CYLC1: variants seen among roughly 807,000 people sequenced by gnomAD.
The protein encoded by CYLC1 is cylicin-1.
In CYLC1, 2 loss-of-function variants were observed where a neutral mutation model predicts 31.6. That is an observed-to-expected ratio of 0.06 (90% CI 0.03 to 0.20). The LOEUF (loss-of-function observed/expected upper bound fraction) is 0.20. CYLC1 is among the 10% of genes least tolerant of loss of function. The probability of loss-of-function intolerance (pLI) is 1.00; values close to 1 mark genes in which losing one functional copy is unlikely to be tolerated. For missense variants in CYLC1, 595 were observed against 424.1 expected (o/e 1.40, Z -3.54); for synonymous variants, 185 against 153.0 (o/e 1.21, Z -1.54).
chrX:83,873,294 T>A lies in CYLC1; in HGVS notation c.586T>A (p.Ser196Thr), dbSNP rs183600242. 34 of 1,200,322 alleles carry A rather than the reference T, an allele frequency of 2.8e-5. No homozygotes were observed. The East Asian group carries it at 8.6e-4, about 30-fold the overall frequency. Reference sequence around the variant, plus strand: ...TTCTAAGACAGTCTCAAAAAATTGTTCACAAAAAGATAAGAAAGATTCAAA... The same window carrying A: ...TTCTAAGACAGTCTCAAAAAATTGTACACAAAAAGATAAGAAAGATTCAAA... ...QNSKTVSKNC[S>T]QKDKKDSKNS... is the part of the protein sequence containing the mutation. Residue 196 changes from serine to threonine, a missense_variant, in exon 4 of 5, where the codon TCA becomes ACA. Transcript: ENST00000329312.
At position 83,874,071 on chromosome X, in the gene CYLC1, A is replaced by G. The variant is rs1163049583; in HGVS notation, c.1363A>G (p.Lys455Glu). Residue 455 changes from lysine to glutamate, a missense_variant, in exon 4 of 5, where the codon AAA (lysine) becomes GAA (glutamate). By Grantham distance (56) the Lys-to-Glu change is moderately conservative (BLOSUM62 1). Coordinates refer to ENST00000329312, the MANE Select transcript of CYLC1 (RefSeq NM_021118.3). ...TGACTCTGAACCGAAGGGAGATTCA[A>G]AAAAGGGTAAAAAGGATGAAAAGAA... The part of the protein sequence containing the change: ...DADSEPKGDS[K>E]KGKKDEKKGK... 1 of 1,202,975 alleles carries G rather than the reference A, an allele frequency of 8.3e-7. No individual in the cohort carries two copies. The highest frequency in any genetic ancestry group is 2.2e-5 in the Admixed American group (1 of 45,255).
chrX:83,877,877 C>CAT (rs763314367), intron 4 of CYLC1, among the ~76,000 whole-genome samples: 12,186 of 57,263 alleles, frequency 0.21, 1,666 homozygotes, highest in East Asian at 0.39. Context: ...CCTGTTTTTT[C>CAT]ATATATATAT....
chrX:83,883,619 T>C (rs1235286600), intron 4 of CYLC1, among the ~76,000 whole-genome samples: 2 of 111,943 alleles, frequency 1.8e-5, no homozygotes, highest in African/African-American at 6.5e-5. Context: ...AGCTTTACAT[T>C]CTTTTCTCAT....
At chrX:83,864,414 CT>C (rs1569331886) in intron 1 of CYLC1, among the ~76,000 whole-genome samples, 1 of 110,838 alleles carries the variant, frequency 9.0e-6, no homozygotes, top group African/African-American at 3.3e-5. Flanking sequence ...TTAAAAATCC[CT>C]TTTCCACTTA....
intron 1 of CYLC1, among the ~76,000 whole-genome samples, chrX:83,862,471 G>A (rs1243530970): frequency 2.7e-5 from 3 of 111,025 alleles, no homozygotes; most frequent in Non-Finnish European, 5.7e-5. Flanking sequence ...TGAACCTGGG[G>A]GGCGGAGCTT....
rs1316784241 is a variant in CYLC1, at chrX:83,871,529, A to C, written c.136A>C (p.Asn46His). Residue 46 changes from asparagine to histidine, a missense_variant, in exon 3 of 5, where the codon AAT (asparagine) becomes CAT (histidine). Transcript: ENST00000329312. ...TFPKPLQRGT[N>H]DKSRPLKSQI... Reference sequence around the variant, plus strand: ...TCCCAAACCACTCCAGAGAGGTACAAATGATAAATCAAGACCTTTGAAATC... The same window carrying C: ...TCCCAAACCACTCCAGAGAGGTACACATGATAAATCAAGACCTTTGAAATC... 1 of 1,200,699 alleles carries C rather than the reference A, an allele frequency of 8.3e-7. No homozygotes were observed. Among genetic ancestry groups the C allele is most frequent in the East Asian group, 3.0e-5 (1 of 33,376 alleles).
At chrX:83,871,412 G>C in intron 2 of CYLC1, 40 bp from the exon 3 acceptor site, 7 of 1,031,168 alleles carry the variant, frequency 6.8e-6, no homozygotes, top group Non-Finnish European at 9.5e-6. Context: ...TGGAAAATCT[G>C]ACATTAACTC....
chrX:83,878,027 T>C (rs2031810698), intron 4 of CYLC1, among the ~76,000 whole-genome samples: 1 of 68,435 alleles, frequency 1.5e-5, no homozygotes, highest in Non-Finnish European at 2.5e-5. Context: ...AAAATATATA[T>C]ATTTGTATAT....
At chrX:83,872,313 A>G (rs1319492921) in intron 3 of CYLC1, among the ~76,000 whole-genome samples, 3 of 109,623 alleles carry the variant, frequency 2.7e-5, no homozygotes, top group Non-Finnish European at 5.8e-5. Flanking sequence ...GTTAATGTGA[A>G]TCAAGCATCT....
chrX:83,881,745 G>A (rs7878887), intron 4 of CYLC1, among the ~76,000 whole-genome samples: 1,024 of 91,813 alleles, frequency 0.011, 18 homozygotes, highest in African/African-American at 0.039. Flanking sequence ...TTTTTTTTGA[G>A]ACAGAGTCTC....
At chrX:83,878,114 AT>A (rs1164807980) in intron 4 of CYLC1, among the ~76,000 whole-genome samples, 2 of 54,042 alleles carry the variant, frequency 3.7e-5, no homozygotes, top group South Asian at 1.2e-3. Flanking sequence ...AAATATATAT[AT>A]TTGTATATAA....
In CYLC1 at chrX:83,883,735, T is replaced by C. The variant is rs149430727; in HGVS notation, c.1924-2817T>C. Among the ~76,000 whole-genome samples the C allele has an allele frequency of 8.9e-3, 993 of 111,948 alleles. 16 individuals carry two copies. The highest frequency in any genetic ancestry group is 0.031 in the African/African-American group (962 of 30,901). On this transcript the variant is annotated intron_variant, in intron 4 of 4. Coordinates refer to ENST00000329312, the MANE Select transcript of CYLC1 (RefSeq NM_021118.3). ...CTCTTTAATTTGTTTACTAATGTAT[T>C]TGAAATTCCCAAGAAAGTGGGCACT...
chrX:83,873,977 A>C lies in CYLC1; in HGVS notation c.1269A>C (p.Lys423Asn), dbSNP rs778841237. ...CAAAGGAGAGTCAGAAAGATGAAAA[A>C]AAGGATAAAAAAGATTCAAAGACAG... ...LESKESQKDE[K>N]KDKKDSKTDN... Residue 423 changes from lysine (K) to asparagine (N), a missense_variant, in exon 4 of 5, where the codon AAA (lysine) becomes AAC (asparagine). Physicochemically the swap from Lys to Asn is moderately conservative, Grantham distance 94 (BLOSUM62 0). Transcript: ENST00000329312. 1.7e-6 allele frequency: 2 copies of C among 1,177,670 alleles called. No homozygotes were observed. Among genetic ancestry groups the C allele is most frequent in the South Asian group, 3.9e-5 (2 of 51,947 alleles).
intron 4 of CYLC1, among the ~76,000 whole-genome samples, chrX:83,881,258 G>C (rs961313280): frequency 1.8e-5 from 2 of 110,617 alleles, no homozygotes; most frequent in Non-Finnish European, 3.8e-5. Flanking sequence ...CGTCGAACTT[G>C]GTTCACTTTA....
At position 83,869,997 on chromosome X, in the gene CYLC1, G is replaced by A. The variant is rs41309518; in HGVS notation, c.58+92G>A. 2.5e-3 allele frequency: 1,157 copies of A among 458,635 alleles called. 5 individuals carry two copies. The highest frequency in any genetic ancestry group is 3.2e-3 in the Non-Finnish European group (1,056 of 327,313). 37.8% of individuals were successfully genotyped at this position (458,635 alleles called of 1,213,427 possible). On this transcript the variant is annotated intron_variant, in intron 2 of 4. Transcript: ENST00000329312. Reference sequence around the variant, plus strand: ...AGTATATTCCATTAAATGTGATAAAGCAGAAACTGCTATGAATTTTTATAA... The same window carrying A: ...AGTATATTCCATTAAATGTGATAAAACAGAAACTGCTATGAATTTTTATAA...
chrX:83,885,067 A>G (rs986411916), intron 4 of CYLC1, among the ~76,000 whole-genome samples: 11 of 111,162 alleles, frequency 9.9e-5, no homozygotes, highest in African/African-American at 3.3e-4. Context: ...GCCTCTAAAG[A>G]TCTTAAACTC....
intron 4 of CYLC1, among the ~76,000 whole-genome samples, chrX:83,875,002 A>G (rs2031739073): frequency 9.0e-6 from 1 of 111,463 alleles, no homozygotes; most frequent in African/African-American, 3.3e-5. Flanking sequence ...AGCGAGATAT[A>G]AAGACATTTC....
At chrX:83,878,645 A>G (rs1254900945) in intron 4 of CYLC1, among the ~76,000 whole-genome samples, 1 of 98,649 alleles carries the variant, frequency 1.0e-5, no homozygotes, top group African/African-American at 3.7e-5. Context: ...ATATCACAGT[A>G]GGAGACATTC....
chrX:83,868,668 G>A (rs12860055), intron 1 of CYLC1, among the ~76,000 whole-genome samples: 10,338 of 110,295 alleles, frequency 0.094, 477 homozygotes, highest in South Asian at 0.16. Context: ...TTTCCCCAGC[G>A]CATGAAAACT....
Sources: gnomAD v4.1 joint callset for allele counts (sites outside exome capture counted in the v4.1 genomes callset) on GRCh38, gnomAD v4.1.1 for gene constraint, MANE v1.5 for transcripts, NCBI Gene and HGNC (gene_info 2026-07-23, HGNC 2026-07-21) for gene names.